SPTBN1: variants seen among roughly 807,000 people sequenced by gnomAD.
SPTBN1 encodes spectrin beta, non-erythrocytic 1.
SPTBN1 carries 32 observed loss-of-function variants against 266.4 expected under a neutral mutation model. That is an observed-to-expected ratio of 0.12 (90% CI 0.09 to 0.16). The LOEUF is 0.16. Ranked by LOEUF, SPTBN1 falls within the 10% of genes least tolerant of loss-of-function variation. The probability of loss-of-function intolerance (pLI) is 1.00; values close to 1 mark genes in which losing one functional copy is unlikely to be tolerated. For synonymous variants in SPTBN1, 1,336 were observed against 1,162.2 expected, an observed-to-expected ratio of 1.15 and a Z score of -3.04; for missense variants, 2,296 against 3,067.1, an observed-to-expected ratio of 0.75 and a Z score of 5.94.
At position 54,558,195 on chromosome 2, in the gene SPTBN1, C is replaced by T. The variant is rs1172365396; in HGVS notation, c.148+31629C>T. 1 of 985,230 alleles carries T rather than the reference C, an allele frequency of 1.0e-6. No individual in the cohort carries two copies. The highest frequency in any genetic ancestry group is 1.7e-5 in the African/African-American group (1 of 57,220). 61.0% of individuals were successfully genotyped at this position (985,230 alleles called of 1,614,324 possible). A position where few individuals can be genotyped will look rare whatever the true frequency, so the allele number is the denominator to read the frequency against. ...CGGCCGGGGGTCGGCGGCTGCCGGG[C>T]GGCTGGGGCGACCGCGGACCGTGCG... On this transcript the variant is annotated intron_variant, in intron 2 of 35. Transcript: ENST00000356805. This position sits in a 1 kb window ranked among gnomAD's most constrained non-coding sequence, Gnocchi z 4.6.
chr2:54,462,393 T>C (rs1444474436), intron 1 of SPTBN1, among the ~76,000 whole-genome samples: 1 of 152,260 alleles, frequency 6.6e-6, no homozygotes, highest in Non-Finnish European at 1.5e-5. Context: ...AAGAGACCAC[T>C]TACTAGAAAC....
At chr2:54,460,605 A>G (rs771127575) in intron 1 of SPTBN1, among the ~76,000 whole-genome samples, 1 of 152,320 alleles carries the variant, frequency 6.6e-6, no homozygotes, top group Non-Finnish European at 1.5e-5. Flanking sequence ...GTCATCTGAT[A>G]TAGTCAATGT....
At chr2:54,665,767 A>C (rs756206899) in intron 33 of SPTBN1, 148 bp from the exon 34 acceptor site, 11 of 912,394 alleles carry the variant, frequency 1.2e-5, no homozygotes, top group Non-Finnish European at 1.8e-5. Flanking sequence ...AGAATTTAGG[A>C]AGGGCTTGTA....
rs1025337349 is a variant in SPTBN1, at chr2:54,557,600, G to GT, written c.148+31037dup. ...AAATCAGAGTAGGAATTTGAGGGTA[G>GT]TTTCGGTTCCCTCATCTCCCCTCCG... On this transcript the variant is annotated intron_variant, in intron 2 of 35. Transcript: ENST00000356805. 12 of 518,958 alleles carry GT rather than the reference G, an allele frequency of 2.3e-5. No individual in the cohort carries two copies. In the African/African-American group the frequency reaches 2.5e-4, roughly 11 times the overall value. 32.1% of individuals were successfully genotyped at this position (518,958 alleles called of 1,614,324 possible). A position where few individuals can be genotyped will look rare whatever the true frequency, so the allele number is the denominator to read the frequency against.
rs1056877704 is a variant in SPTBN1, at chr2:54,582,844, G to A, written c.149-16248G>A. ...AAACTGCTGGGACTGTGCTTGCTTC[G>A]TGACTGTGGGCAAATAACTGAATTT... On this transcript the variant is annotated intron_variant, in intron 2 of 35. Transcript: ENST00000356805. Among the ~76,000 whole-genome samples the A allele has an allele frequency of 2.6e-5, 4 of 152,138 alleles. No homozygotes were observed. The South Asian group carries it at 6.2e-4, about 24-fold the overall frequency.
chr2:54,655,948 G>A lies in SPTBN1; in HGVS notation c.5996G>A (p.Arg1999Lys). 2 of 1,613,540 alleles carry A rather than the reference G, an allele frequency of 1.2e-6. No individual in the cohort carries two copies. The highest frequency in any genetic ancestry group is 1.7e-5 in the Admixed American group (1 of 60,016). Residue 1999 changes from arginine to lysine, a missense_variant, in exon 29 of 36, where the codon AGG (arginine) becomes AAG (lysine). Physicochemically the swap from Arg to Lys is conservative, Grantham distance 26. Around this residue, in one of 12 missense-constraint regions of SPTBN1, gnomAD observed 644 missense variants for 745.3 expected, o/e 0.86. Coordinates refer to ENST00000356805, the MANE Select transcript of SPTBN1 (RefSeq NM_003128.3). ...AAATTACTGCAGTTGACGGAAAAGA[G>A]GAAAGAAATGATCGACAAGTGGGAA... ...KEKLLQLTEK[R>K]KEMIDKWEDR...
At position 54,558,633 on chromosome 2, in the gene SPTBN1, A is replaced by G; in HGVS notation, c.148+32067A>G. The G allele has an allele frequency of 6.8e-7, 1 of 1,468,682 alleles. No homozygotes were observed. The highest frequency in any genetic ancestry group is 1.4e-5 in the African/African-American group (1 of 69,922). 91.0% of individuals were successfully genotyped at this position (1,468,682 alleles called of 1,614,324 possible). A position where few individuals can be genotyped will look rare whatever the true frequency, so the allele number is the denominator to read the frequency against. ...ACTCTCTTGCAGCCAACTTCCCATC[A>G]GATCACCCTGCTGGACTTGCAGACC... On this transcript the variant is annotated intron_variant, in intron 2 of 35. Coordinates refer to ENST00000356805, the MANE Select transcript of SPTBN1 (RefSeq NM_003128.3). The surrounding 1 kb of genome is among the most constrained non-coding windows in gnomAD (Gnocchi z 4.6).
chr2:54,576,991 G>A (rs2104551320), intron 2 of SPTBN1, among the ~76,000 whole-genome samples: 1 of 152,262 alleles, frequency 6.6e-6, no homozygotes, highest in Admixed American at 6.5e-5. Context: ...GTGTACAGAG[G>A]GAGTCATGAA....
At chr2:54,651,054 CAT>C (rs1013306004) in intron 26 of SPTBN1, among the ~76,000 whole-genome samples, 36 of 152,216 alleles carry the variant, frequency 2.4e-4, no homozygotes, top group African/African-American at 1.4e-4. Flanking sequence ...AGGTGCAAAA[CAT>C]ATGACATAGT....
At chr2:54,598,225 T>C (rs1186477481) in intron 2 of SPTBN1, among the ~76,000 whole-genome samples, 1 of 152,256 alleles carries the variant, frequency 6.6e-6, no homozygotes, top group East Asian at 1.9e-4. Flanking sequence ...TAACACTGTT[T>C]CCTGGATGAC....
intron 3 of SPTBN1, among the ~76,000 whole-genome samples, chr2:54,604,027 T>A (rs1191580823): frequency 6.6e-6 from 1 of 152,084 alleles, no homozygotes. Context: ...CCAAGTTAAA[T>A]CCCCTCACTT....
chr2:54,556,193 A>C (rs1167800951), intron 2 of SPTBN1, among the ~76,000 whole-genome samples: 1 of 152,132 alleles, frequency 6.6e-6, no homozygotes, highest in Non-Finnish European at 1.5e-5. Context: ...GCCATCAGGG[A>C]TCTGTCTTAT....
chr2:54,460,184 G>A (rs555981571), intron 1 of SPTBN1, among the ~76,000 whole-genome samples: 10 of 152,306 alleles, frequency 6.6e-5, no homozygotes, highest in Non-Finnish European at 2.9e-5. Context: ...CTTTAAGTGA[G>A]TTGTATGCAC....
chr2:54,558,761 G>C lies in SPTBN1; in HGVS notation c.148+32195G>C, dbSNP rs748165516. On this transcript the variant is annotated intron_variant, in intron 2 of 35. Coordinates refer to ENST00000356805, the MANE Select transcript of SPTBN1 (RefSeq NM_003128.3). The surrounding 1 kb of genome is among the most constrained non-coding windows in gnomAD (Gnocchi z 4.6). The stretch of plus-strand genomic sequence containing the variant: ...AGATTTCCAGGGCGCAGTCCTCCGG[G>C]GCGTTACGCCGGGCATAATGGAATT... 6.2e-7 allele frequency: 1 copy of C among 1,609,810 alleles called. No homozygotes were observed. Among genetic ancestry groups the C allele is most frequent in the Non-Finnish European group, 8.5e-7 (1 of 1,177,368 alleles).
At chr2:54,627,216 C>G (rs892187725) in intron 12 of SPTBN1, among the ~76,000 whole-genome samples, 3 of 152,136 alleles carry the variant, frequency 2.0e-5, no homozygotes, top group African/African-American at 7.2e-5. Flanking sequence ...TTACAGTGTT[C>G]TTAGGTCTGG....
intron 1 of SPTBN1, among the ~76,000 whole-genome samples, chr2:54,502,098 A>T (rs182417656): frequency 9.2e-5 from 14 of 152,298 alleles, no homozygotes; most frequent in African/African-American, 3.4e-4. Flanking sequence ...TCAGGATGTC[A>T]GTCAAATAAT....
rs1246507571 is a variant in SPTBN1 at position 54,646,319 on chromosome 2, G to A, written c.4710G>A (p.Leu1570=). The change falls in exon 23 of 36, where the codon CTG becomes CTA. Residue 1570 remains leucine (L), a synonymous_variant. Transcript: ENST00000356805. The surrounding 1 kb of genome is among the most constrained non-coding windows in gnomAD (Gnocchi z 4.4). ...CCATCAGACAGAGGCTTGCCGACCT[G>A]AAGCAGCTGTGGGGTCTCCTCATTG... ...AEAIRQRLAD[L]KQLWGLLIEE... is the part of the protein sequence containing the mutation. 1 of 1,614,244 alleles carries A rather than the reference G, an allele frequency of 6.2e-7. No individual in the cohort carries two copies. Among genetic ancestry groups the A allele is most frequent in the Non-Finnish European group, 8.5e-7 (1 of 1,180,050 alleles).
rs549658002 is a variant in SPTBN1, at chr2:54,664,015, C to T, written c.6421-438C>T. 81 of 155,256 alleles carry T rather than the reference C, an allele frequency of 5.2e-4. No homozygotes were observed. Among genetic ancestry groups the T allele is most frequent in the African/African-American group, 1.9e-3 (77 of 41,620 alleles). 9.6% of individuals were successfully genotyped at this position (155,256 alleles called of 1,614,324 possible). On this transcript the variant is annotated intron_variant, in intron 32 of 35. Transcript: ENST00000356805. This position sits in a 1 kb window ranked among gnomAD's most constrained non-coding sequence, Gnocchi z 5.6. ...ATGTAGCTCTGATAGAGTTGTCTAT[C>T]GGTCTGTTTGTGAATGCCCTTTCGC...
intron 1 of SPTBN1, among the ~76,000 whole-genome samples, chr2:54,470,608 C>T (rs1267348710): frequency 6.6e-6 from 1 of 152,104 alleles, no homozygotes; most frequent in Non-Finnish European, 1.5e-5. Context: ...CTGAAGAGGG[C>T]TTTTTTCGTT....
Sources: gnomAD v4.1 joint callset for allele counts (sites outside exome capture counted in the v4.1 genomes callset) on GRCh38, gnomAD v4.1.1 for gene constraint, gnomAD v4.1.1 regional missense constraint, Gnocchi (gnomAD v3.1) non-coding constraint, MANE v1.5 for transcripts, NCBI Gene and HGNC (gene_info 2026-07-23, HGNC 2026-07-21) for gene names.